Variants in CHN2 observed in about 807,000 individuals in gnomAD.
CHN2 encodes the protein chimerin 2.
A neutral mutation model predicts 56.3 loss-of-function variants in CHN2; 35 were observed. The observed-to-expected ratio is 0.62, with a 90% CI of 0.47 to 0.82. CHN2 has a LOEUF of 0.82. Ranked by LOEUF, CHN2 falls within the 40% of genes least tolerant of loss-of-function variation. The probability of loss-of-function intolerance (pLI) is 0.00; values close to 1 mark genes in which losing one functional copy is unlikely to be tolerated. For missense variants in CHN2, 491 were observed against 580.5 expected (o/e 0.85, Z 1.58); for synonymous variants, 210 against 212.8 (o/e 0.99, Z 0.12).
chr7:29,483,911 A>C, intron 7 of CHN2: 1 of 1,297,682 alleles, frequency 7.7e-7, no homozygotes, highest in African/African-American at 1.5e-5. Flanking sequence ...CCTCATCTAT[A>C]AAATGGGAGT....
intron 6 of CHN2, among the ~76,000 whole-genome samples, chr7:29,415,074 A>C (rs1490126382): frequency 3.9e-5 from 6 of 152,190 alleles, no homozygotes; most frequent in Non-Finnish European, 5.9e-5. Context: ...ATAATAATTA[A>C]ATATTCATTG....
chr7:29,171,503 ATCC>A (rs1449745037), intron 2 of CHN2, among the ~76,000 whole-genome samples: 1 of 152,262 alleles, frequency 6.6e-6, no homozygotes, highest in Admixed American at 6.5e-5. Flanking sequence ...TCTACCCAGA[ATCC>A]TCCTCAATTC....
chr7:29,163,334 C>CTAAAA (rs1458037440), intron 2 of CHN2, among the ~76,000 whole-genome samples: 20 of 151,910 alleles, frequency 1.3e-4, no homozygotes, highest in African/African-American at 4.3e-4. Context: ...TTAAAATACT[C>CTAAAA]TATATTGAAT....
chr7:29,263,347 T>C (rs565382037), intron 1 of CHN2, among the ~76,000 whole-genome samples: 5 of 152,310 alleles, frequency 3.3e-5, no homozygotes, highest in South Asian at 4.1e-4. Flanking sequence ...TTGCCCAGGC[T>C]GGAGTGCAGT....
chr7:29,352,197 A>G (rs900254043), intron 1 of CHN2, among the ~76,000 whole-genome samples: 9 of 152,190 alleles, frequency 5.9e-5, no homozygotes, highest in African/African-American at 2.4e-5. Flanking sequence ...CCCCGAGTAT[A>G]TAGAAGGCGG....
intron 1 of CHN2, among the ~76,000 whole-genome samples, chr7:29,275,246 T>C (rs1471853898): frequency 6.6e-6 from 1 of 152,220 alleles, no homozygotes; most frequent in East Asian, 1.9e-4. Context: ...AAAATAGATA[T>C]CAGACATTAT....
At chr7:29,338,152 T>C (rs1796763948) in intron 1 of CHN2, among the ~76,000 whole-genome samples, 1 of 152,220 alleles carries the variant, frequency 6.6e-6, no homozygotes, top group Non-Finnish European at 1.5e-5. Flanking sequence ...TTGATTGCTA[T>C]GATAAAATAT....
intron 1 of CHN2, among the ~76,000 whole-genome samples, chr7:29,250,473 G>T (rs182527704): frequency 7.8e-4 from 119 of 152,236 alleles, no homozygotes; most frequent in African/African-American, 2.7e-3. Context: ...ACAGAATCAG[G>T]CAACAGCAAC....
intron 6 of CHN2, among the ~76,000 whole-genome samples, chr7:29,412,691 A>G (rs1388820567): frequency 6.6e-6 from 1 of 152,132 alleles, no homozygotes; most frequent in Non-Finnish European, 1.5e-5. Flanking sequence ...TTTCCGGGAA[A>G]CTTTTTTAAC....
chr7:29,380,784 C>T (rs1424776167), intron 3 of CHN2: 1 of 152,160 alleles, frequency 6.6e-6, no homozygotes, highest in African/African-American at 2.4e-5. Flanking sequence ...CTGTTGGGTA[C>T]TTCAAGCTCT....
At position 29,250,415 on chromosome 7, in the gene CHN2, A is replaced by G. The variant is rs575448492; in HGVS notation, c.49+55425A>G. On this transcript the variant is annotated intron_variant, in intron 1 of 12. Coordinates refer to ENST00000222792, the MANE Select transcript of CHN2 (RefSeq NM_004067.4). ...CCTTTTATCCTGAAATGTTACAGATAGGAGATTAACCTAGTTATGCTTCAC... is the reference window on the plus strand; with the variant it reads ...CCTTTTATCCTGAAATGTTACAGATGGGAGATTAACCTAGTTATGCTTCAC... 5.3e-5 allele frequency among the ~76,000 whole-genome samples: 8 copies of G among 152,366 alleles called. No individual in the cohort carries two copies. In the South Asian group the frequency reaches 1.7e-3, roughly 32 times the overall value.
chr7:29,285,218 A>T (rs961267153), intron 1 of CHN2, among the ~76,000 whole-genome samples: 23 of 152,190 alleles, frequency 1.5e-4, no homozygotes, highest in Non-Finnish European at 2.6e-4. Context: ...GTGGCATTGA[A>T]ATCTGGCTCA....
At chr7:29,345,409 G>C (rs1425439948) in intron 1 of CHN2, among the ~76,000 whole-genome samples, 2 of 152,174 alleles carry the variant, frequency 1.3e-5, no homozygotes, top group Non-Finnish European at 2.9e-5. Context: ...AAATGCTGTA[G>C]GTTGGTGGGT....
At chr7:29,364,287 A>C (rs1414068610) in intron 2 of CHN2, among the ~76,000 whole-genome samples, 1 of 152,244 alleles carries the variant, frequency 6.6e-6, no homozygotes, top group African/African-American at 2.4e-5. Context: ...GGTATCTTGC[A>C]TATAGCAGAT....
chr7:29,329,546 G>A lies in CHN2; in HGVS notation c.50-25079G>A, dbSNP rs555500595. ...TGTTTGCAGCATTTCTGAAATTGCT[G>A]TAAGAAGATCAATAGAAAAGTGGTG... On this transcript the variant is annotated intron_variant, in intron 1 of 12. Transcript: ENST00000222792. 8.5e-4 allele frequency among the ~76,000 whole-genome samples: 129 copies of A among 152,196 alleles called. 1 individual carries two copies. The highest frequency in any genetic ancestry group is 2.9e-3 in the African/African-American group (122 of 41,506).
chr7:29,326,796 A>G (rs1795836129), intron 1 of CHN2, among the ~76,000 whole-genome samples: 1 of 152,190 alleles, frequency 6.6e-6, no homozygotes, highest in South Asian at 2.1e-4. Context: ...ACGATCCTTC[A>G]TAGAGTATAG....
chr7:29,156,110 TCAGA>T (rs1794332729), intron 2 of CHN2, among the ~76,000 whole-genome samples: 1 of 152,224 alleles, frequency 6.6e-6, no homozygotes, highest in South Asian at 2.1e-4. Context: ...AGGTGAGCCC[TCAGA>T]CAGAGAAAAC....
At chr7:29,149,000 C>T (rs914774465) in intron 2 of CHN2, among the ~76,000 whole-genome samples, 2 of 152,058 alleles carry the variant, frequency 1.3e-5, no homozygotes, top group African/African-American at 4.8e-5. Context: ...GAGCAGGCCA[C>T]CTGCACTCAG....
intron 1 of CHN2, among the ~76,000 whole-genome samples, chr7:29,268,449 A>G (rs1194338140): frequency 3.3e-5 from 5 of 152,176 alleles, no homozygotes; most frequent in Admixed American, 6.5e-5. Context: ...TTTGGAGGAT[A>G]ATAATCTCCA....
Sources: allele counts gnomAD v4.1 joint callset (sites outside exome capture counted in the v4.1 genomes callset), GRCh38; gene constraint gnomAD v4.1.1; transcripts MANE v1.5; gene names NCBI Gene and HGNC (gene_info 2026-07-23, HGNC 2026-07-21).